Variants in INVS observed in about 807,000 individuals in gnomAD.
INVS encodes inversion of embryo turning homolog.
In INVS, 86 loss-of-function variants were observed where a neutral mutation model predicts 108.8. The ratio of observed to expected loss-of-function variants is 0.79; its 90% CI spans 0.66 to 0.95. The LOEUF is 0.95. Ranked by LOEUF, INVS falls within the 40% of genes least tolerant of loss-of-function variation. The pLI, the probability that INVS is intolerant of heterozygous loss-of-function variation, is 0.00. For missense variants in INVS, 1,169 were observed against 1,297.4 expected, an observed-to-expected ratio of 0.90 and a Z score of 1.52; for synonymous variants, 455 against 473.5, an observed-to-expected ratio of 0.96 and a Z score of 0.51.
chr9:100,152,842 C>T (rs141586550), intron 3 of INVS, among the ~76,000 whole-genome samples: 40 of 152,264 alleles, frequency 2.6e-4, no homozygotes, highest in African/African-American at 9.6e-4. Context: ...TGGTTTGGGT[C>T]CTTTTATTCA....
intron 8 of INVS, among the ~76,000 whole-genome samples, chr9:100,251,858 C>T (rs1276360716): frequency 2.0e-5 from 3 of 152,186 alleles, no homozygotes; most frequent in African/African-American, 4.8e-5. Context: ...TTGATGTCTC[C>T]AGTCACATGA....
chr9:100,192,305 T>C (rs1214447562), intron 3 of INVS, among the ~76,000 whole-genome samples: 1 of 151,464 alleles, frequency 6.6e-6, no homozygotes, highest in African/African-American at 2.4e-5. Context: ...ATGCAGTATG[T>C]ATTCTTCTGT....
chr9:100,270,043 T>G (rs951302752), intron 11 of INVS, among the ~76,000 whole-genome samples: 1 of 148,916 alleles, frequency 6.7e-6, no homozygotes, highest in Non-Finnish European at 1.5e-5. Context: ...CTTAGAGATA[T>G]AAAGTAAGTT....
At chr9:100,146,610 G>A (rs1828623188) in intron 3 of INVS, among the ~76,000 whole-genome samples, 1 of 151,878 alleles carries the variant, frequency 6.6e-6, no homozygotes, top group African/African-American at 2.4e-5. Context: ...TCATTTTTAT[G>A]GTTGAATAAT....
intron 3 of INVS, among the ~76,000 whole-genome samples, chr9:100,181,037 A>C (rs1243014670): frequency 6.6e-6 from 1 of 152,236 alleles, no homozygotes; most frequent in Non-Finnish European, 1.5e-5. Flanking sequence ...CCACATGATT[A>C]TCTCAATAGA....
chr9:100,117,206 C>G, intron 2 of INVS: 1 of 982,018 alleles, frequency 1.0e-6, no homozygotes, highest in Non-Finnish European at 1.6e-6. Flanking sequence ...TTCCTTGGAG[C>G]ACTTAACACC....
chr9:100,130,988 TTTA>T (rs1169319095), intron 3 of INVS: 1 of 152,194 alleles, frequency 6.6e-6, no homozygotes, highest in Non-Finnish European at 1.5e-5. Context: ...TCATACATTA[TTTA>T]TTATGTTTCT....
At chr9:100,274,316 CCA>C (rs1184874458) in intron 12 of INVS, among the ~76,000 whole-genome samples, 1 of 151,884 alleles carries the variant, frequency 6.6e-6, no homozygotes, top group Non-Finnish European at 1.5e-5. Flanking sequence ...CCAGATGGCA[CCA>C]CTGCACTCCA....
At chr9:100,129,924 G>A in intron 3 of INVS, 1 of 442,742 alleles carries the variant, frequency 2.3e-6, no homozygotes, top group East Asian at 3.3e-5. Context: ...GAATTGCAGA[G>A]AAAGAATGCA....
intron 13 of INVS, among the ~76,000 whole-genome samples, chr9:100,290,561 AG>A (rs1167565313): frequency 2.0e-5 from 3 of 151,982 alleles, no homozygotes; most frequent in South Asian, 4.2e-4. Context: ...CACATCGGTC[AG>A]GCTGGTCTCG....
intron 3 of INVS, among the ~76,000 whole-genome samples, chr9:100,213,131 T>C (rs367676716): frequency 6.7e-6 from 1 of 149,620 alleles, no homozygotes. Context: ...ACCCTCGTGA[T>C]GTAATCATCT....
At chr9:100,290,586 A>G (rs1467013772) in intron 13 of INVS, among the ~76,000 whole-genome samples, 1 of 152,176 alleles carries the variant, frequency 6.6e-6, no homozygotes, top group East Asian at 1.9e-4. Flanking sequence ...TCCCGACCTC[A>G]GGTGATCTGC....
At position 100,300,747 on chromosome 9, in the gene INVS, T is replaced by A. The variant is rs886063273; in HGVS notation, c.*73T>A. The A allele has an allele frequency of 1.2e-4, 126 of 1,051,376 alleles. No individual in the cohort carries two copies. The highest frequency in any genetic ancestry group is 4.2e-5 in the Non-Finnish European group (29 of 682,524). The allele number at this position is 1,051,376 out of a possible 1,614,324, so 65.1% of individuals were successfully genotyped here. A position where few individuals can be genotyped will look rare whatever the true frequency, so the allele number is the denominator to read the frequency against. ...CAGAGTTCAGATTTTCTGCTGATAATCTTTTACACCTTGGGAAAACTTTAA... is the reference window on the plus strand; with the variant it reads ...CAGAGTTCAGATTTTCTGCTGATAAACTTTTACACCTTGGGAAAACTTTAA... On this transcript the variant is annotated 3_prime_UTR_variant, in exon 17 of 17. Transcript: ENST00000262457.
At chr9:100,133,338 A>ATGTGTG (rs140513551) in intron 3 of INVS, among the ~76,000 whole-genome samples, 13 of 146,500 alleles carry the variant, frequency 8.9e-5, no homozygotes, top group African/African-American at 2.7e-4. Flanking sequence ...CCTTTACTTT[A>ATGTGTG]TGTGTGTGTG....
chr9:100,246,680 C>T lies in INVS; in HGVS notation c.971C>T (p.Thr324Ile), dbSNP rs1306424929. 3 of 1,613,678 alleles carry T rather than the reference C, an allele frequency of 1.9e-6. No homozygotes were observed. The highest frequency in any genetic ancestry group is 3.3e-5 in the Admixed American group (2 of 59,998). Reference sequence around the variant, plus strand: ...GATGATTCAGACCTGGAAGGAAGAACATCCTTTATGTGGGCAGCTGGCAAA... The same window carrying T: ...GATGATTCAGACCTGGAAGGAAGAATATCCTTTATGTGGGCAGCTGGCAAA... Reference protein sequence around the residue: ...VKDDSDLEGRTSFMWAAGKGS... With the variant: ...VKDDSDLEGRISFMWAAGKGS... Residue 324 changes from threonine (T) to isoleucine (I), a missense_variant, in exon 8 of 17, where the codon ACA (threonine) becomes ATA (isoleucine). Thr to Ile is a moderately conservative substitution (Grantham distance 89). Around this residue, in one of 3 missense-constraint regions of INVS, gnomAD observed 365 missense variants for 397.5 expected, o/e 0.92. Coordinates refer to ENST00000262457, the MANE Select transcript of INVS (RefSeq NM_014425.5).
intron 3 of INVS, among the ~76,000 whole-genome samples, chr9:100,211,531 A>G (rs982120165): frequency 6.6e-6 from 1 of 152,064 alleles, no homozygotes; most frequent in African/African-American, 2.4e-5. Flanking sequence ...TGACAGTAAC[A>G]TTTTCTCCTT....
At position 100,100,239 on chromosome 9, in the gene INVS, A is replaced by G. The variant is rs192938252; in HGVS notation, c.-25+823A>G. 6.8e-3 allele frequency among the ~76,000 whole-genome samples: 1,029 copies of G among 151,780 alleles called. 6 individuals are homozygous for G. Among genetic ancestry groups the G allele is most frequent in the Admixed American group, 0.01 (157 of 15,214 alleles). ...GCAAAAAATACATTTTTTCTTAAGA[A>G]AAAAAAAGAGCCCTGCATAATGGCT... On this transcript the variant is annotated intron_variant, in intron 1 of 16. Transcript: ENST00000262457.
At chr9:100,233,794 G>A (rs563003312) in intron 5 of INVS, among the ~76,000 whole-genome samples, 8 of 152,158 alleles carry the variant, frequency 5.3e-5, no homozygotes, top group East Asian at 1.9e-4. Context: ...GAGGATTTTC[G>A]CATTGATGTT....
chr9:100,136,526 G>T (rs1349352440), intron 3 of INVS, among the ~76,000 whole-genome samples: 1 of 152,094 alleles, frequency 6.6e-6, no homozygotes, highest in Non-Finnish European at 1.5e-5. Context: ...AAATTTTCCT[G>T]ATTATATCTC....
Sources: gnomAD v4.1 joint callset for allele counts (sites outside exome capture counted in the v4.1 genomes callset) on GRCh38, gnomAD v4.1.1 for gene constraint, gnomAD v4.1.1 regional missense constraint, MANE v1.5 for transcripts, NCBI Gene and HGNC (gene_info 2026-07-23, HGNC 2026-07-21) for gene names.